The following NEGR1 variants were observed in gnomAD, a reference collection of about 807,000 sequenced individuals.
The protein encoded by NEGR1 is IgLON family member 4.
In NEGR1, 10 loss-of-function variants were observed where a neutral mutation model predicts 40.9. The ratio of observed to expected loss-of-function variants is 0.24; its 90% CI spans 0.15 to 0.42. The LOEUF is 0.42. Among genes scored for constraint, NEGR1 ranks in the 10% least tolerant of loss-of-function variants. NEGR1 has a pLI of 1.00. For synonymous variants in NEGR1, 185 were observed against 166.8 expected, an observed-to-expected ratio of 1.11 and a Z score of -0.84; for missense variants, 352 against 438.9, an observed-to-expected ratio of 0.80 and a Z score of 1.77.
At chr1:71,746,395 T>G (rs1366416697) in intron 3 of NEGR1, among the ~76,000 whole-genome samples, 1 of 152,190 alleles carries the variant, frequency 6.6e-6, no homozygotes, top group Non-Finnish European at 1.5e-5. Context: ...CAAACTTAGA[T>G]AGGTGTTTCA....
chr1:71,831,099 C>G (rs953803643), intron 2 of NEGR1, among the ~76,000 whole-genome samples: 1 of 151,904 alleles, frequency 6.6e-6, no homozygotes, highest in Non-Finnish European at 1.5e-5. Flanking sequence ...ACTATAGTAG[C>G]CTTCTTTGAC....
chr1:71,430,969 G>A (rs1044041601), intron 6 of NEGR1, among the ~76,000 whole-genome samples: 2 of 151,812 alleles, frequency 1.3e-5, no homozygotes, highest in African/African-American at 4.8e-5. Context: ...CCGTGGTCTC[G>A]ATCTCCTGAC....
At chr1:71,862,666 T>C (rs1659984869) in intron 2 of NEGR1, among the ~76,000 whole-genome samples, 1 of 152,058 alleles carries the variant, frequency 6.6e-6, no homozygotes, top group South Asian at 2.1e-4. Context: ...TATTTTCTAG[T>C]GCAATGCTGG....
chr1:71,456,207 T>G (rs578165512), intron 6 of NEGR1, among the ~76,000 whole-genome samples: 1 of 152,204 alleles, frequency 6.6e-6, no homozygotes, highest in Admixed American at 6.5e-5. Flanking sequence ...AAAAACCTGG[T>G]CCACAGAAGG....
intron 4 of NEGR1, among the ~76,000 whole-genome samples, chr1:71,678,903 C>A (rs761885086): frequency 3.3e-5 from 5 of 151,944 alleles, no homozygotes; most frequent in African/African-American, 1.2e-4. Context: ...CAAACAGAGG[C>A]GGCATCAAGA....
At chr1:71,473,190 G>T (rs1309976693) in intron 6 of NEGR1, among the ~76,000 whole-genome samples, 1 of 151,940 alleles carries the variant, frequency 6.6e-6, no homozygotes, top group Non-Finnish European at 1.5e-5. Flanking sequence ...GATTGAAAGT[G>T]CACATTCAAT....
chr1:71,533,293 C>T (rs1404538796), intron 6 of NEGR1, among the ~76,000 whole-genome samples: 2 of 151,622 alleles, frequency 1.3e-5, no homozygotes, highest in East Asian at 3.9e-4. Context: ...TAGAGGATGT[C>T]AGTTCCCTAA....
intron 1 of NEGR1, among the ~76,000 whole-genome samples, chr1:72,217,944 A>C (rs1653879559): frequency 1.3e-5 from 2 of 151,980 alleles, no homozygotes; most frequent in Admixed American, 6.6e-5. Flanking sequence ...ACAAGATAAT[A>C]TGTAGTTGGG....
At chr1:71,606,241 G>A (rs762997204) in intron 5 of NEGR1, among the ~76,000 whole-genome samples, 3 of 152,146 alleles carry the variant, frequency 2.0e-5, no homozygotes, top group Non-Finnish European at 4.4e-5. Context: ...GATTAAGCTC[G>A]TCGCCTATGG....
intron 2 of NEGR1, among the ~76,000 whole-genome samples, chr1:71,887,605 G>A (rs918578070): frequency 2.0e-5 from 3 of 152,036 alleles, no homozygotes; most frequent in Admixed American, 6.6e-5. Flanking sequence ...AGAGTAATTA[G>A]CATATCCATC....
At chr1:72,226,213 G>A (rs1654186339) in intron 1 of NEGR1, among the ~76,000 whole-genome samples, 1 of 151,774 alleles carries the variant, frequency 6.6e-6, no homozygotes, top group African/African-American at 2.4e-5. Context: ...TGTTAAAGAG[G>A]AAATTTATTT....
chr1:71,513,735 G>A (rs546349743), intron 6 of NEGR1, among the ~76,000 whole-genome samples: 14 of 152,242 alleles, frequency 9.2e-5, no homozygotes, highest in South Asian at 2.1e-4. Context: ...GAACAGCTCC[G>A]GTGAACAGCT....
intron 1 of NEGR1, among the ~76,000 whole-genome samples, chr1:72,180,703 T>C (rs933997503): frequency 2.0e-5 from 3 of 152,020 alleles, no homozygotes; most frequent in Admixed American, 1.3e-4. Context: ...AAAAGATATA[T>C]GAAAAAGTGC....
At chr1:72,223,536 G>A (rs1161627771) in intron 1 of NEGR1, among the ~76,000 whole-genome samples, 2 of 152,076 alleles carry the variant, frequency 1.3e-5, no homozygotes, top group Non-Finnish European at 2.9e-5. Context: ...CTGTTTAAGT[G>A]GCCGTGACTA....
At chr1:72,018,414 C>G (rs1646730207) in intron 1 of NEGR1, among the ~76,000 whole-genome samples, 1 of 152,044 alleles carries the variant, frequency 6.6e-6, no homozygotes, top group Non-Finnish European at 1.5e-5. Context: ...TTCCCCTATC[C>G]CTACTGTACC....
rs1010629353 is a variant in NEGR1 at position 72,172,764 on chromosome 1, C to T, written c.176+109555G>A. Among the ~76,000 whole-genome samples, 15 of 152,218 alleles carry T rather than the reference C, an allele frequency of 9.9e-5. No homozygotes were observed. The South Asian group carries it at 1.7e-3, about 17-fold the overall frequency. On this transcript the variant is annotated intron_variant, in intron 1 of 6. Coordinates refer to ENST00000357731, the MANE Select transcript of NEGR1 (RefSeq NM_173808.3). ...TGCATTCCTTCTGGAGGCTCTGAGA[C>T]GGAATCTGTTTCCTTGTGTTTTTCA...
chr1:71,483,321 A>G (rs1646866549), intron 6 of NEGR1, among the ~76,000 whole-genome samples: 1 of 151,708 alleles, frequency 6.6e-6, no homozygotes. Flanking sequence ...TGAAAGGGGG[A>G]ACATCTGGAG....
At chr1:71,580,467 A>T (rs1249381791) in intron 6 of NEGR1, among the ~76,000 whole-genome samples, 2 of 152,064 alleles carry the variant, frequency 1.3e-5, no homozygotes, top group East Asian at 3.9e-4. Flanking sequence ...TAATAATAAT[A>T]AAAATAAAAA....
intron 4 of NEGR1, among the ~76,000 whole-genome samples, chr1:71,642,053 T>A (rs550637332): frequency 6.6e-6 from 1 of 151,970 alleles, no homozygotes; most frequent in Non-Finnish European, 1.5e-5. Flanking sequence ...TCATCTCATA[T>A]TTTGGCAGAG....
Sources: gnomAD v4.1 joint callset for allele counts (sites outside exome capture counted in the v4.1 genomes callset) on GRCh38, gnomAD v4.1.1 for gene constraint, MANE v1.5 for transcripts, NCBI Gene and HGNC (gene_info 2026-07-23, HGNC 2026-07-21) for gene names.